The following ERBB4 variants were observed in gnomAD, a reference collection of about 807,000 sequenced individuals.
The protein encoded by ERBB4 is receptor tyrosine-protein kinase erbB-4.
ERBB4 carries 42 observed loss-of-function variants against 158.0 expected under a neutral mutation model. The observed-to-expected ratio is 0.27, with a 90% CI of 0.21 to 0.34. The LOEUF is 0.34. Ranked by LOEUF, ERBB4 falls within the 10% of genes least tolerant of loss-of-function variation. The pLI is 1.00. For synonymous variants in ERBB4, 583 were observed against 558.7 expected, an observed-to-expected ratio of 1.04 and a Z score of -0.61; for missense variants, 1,333 against 1,624.1, an observed-to-expected ratio of 0.82 and a Z score of 3.08.
chr2:212,135,202 G>A (rs2080234784), intron 1 of ERBB4, among the ~76,000 whole-genome samples: 2 of 151,968 alleles, frequency 1.3e-5, no homozygotes, highest in South Asian at 4.1e-4. Context: ...AATAGTCTTT[G>A]AGAGCTCTCA....
At chr2:211,424,114 C>A in intron 23 of ERBB4, 41 bp downstream of exon 23, 1 of 1,584,802 alleles carries the variant, frequency 6.3e-7, no homozygotes, top group Non-Finnish European at 8.7e-7. Flanking sequence ...TATTACTTTA[C>A]TAAGAATGAT....
intron 18 of ERBB4, among the ~76,000 whole-genome samples, chr2:211,621,637 G>A (rs2069606922): frequency 6.6e-6 from 1 of 151,960 alleles, no homozygotes. Context: ...GGGTATCCAA[G>A]GTTTAAAATA....
Position 211,740,183 on chromosome 2 carries a change from C to G in ERBB4, c.622+10456G>C, listed in dbSNP as rs80152682. On this transcript the variant is annotated intron_variant, in intron 5 of 27. Transcript: ENST00000342788. Reference sequence around the variant, plus strand: ...TGTAGGTATTTCCGTGGTCATAATGCTCTATCAGCTCCGTTATAACAAAAT... The same window carrying G: ...TGTAGGTATTTCCGTGGTCATAATGGTCTATCAGCTCCGTTATAACAAAAT... 9.0e-3 allele frequency among the ~76,000 whole-genome samples: 1,370 copies of G among 152,198 alleles called. 19 individuals are homozygous for G. Among genetic ancestry groups the G allele is most frequent in the African/African-American group, 0.031 (1,301 of 41,534 alleles).
At chr2:211,885,558 C>G (rs540252001) in intron 3 of ERBB4, among the ~76,000 whole-genome samples, 1 of 152,052 alleles carries the variant, frequency 6.6e-6, no homozygotes, top group South Asian at 2.1e-4. Context: ...TGGGTTCAAG[C>G]AATTCTCCTA....
chr2:211,938,133 T>C (rs2080379552), intron 3 of ERBB4, among the ~76,000 whole-genome samples: 2 of 152,184 alleles, frequency 1.3e-5, no homozygotes, highest in South Asian at 4.1e-4. Context: ...AAATACACTG[T>C]GTCTATTTTT....
intron 20 of ERBB4, among the ~76,000 whole-genome samples, chr2:211,477,509 A>G (rs1413393093): frequency 6.6e-6 from 1 of 152,186 alleles, no homozygotes; most frequent in African/African-American, 2.4e-5. Context: ...ATAAAACTAC[A>G]AAGGAAAGAG....
At chr2:212,384,250 T>C (rs183259658) in intron 1 of ERBB4, among the ~76,000 whole-genome samples, 1 of 151,804 alleles carries the variant, frequency 6.6e-6, no homozygotes, top group Non-Finnish European at 1.5e-5. Context: ...GTTACAGTAT[T>C]ATTGTAACAC....
intron 1 of ERBB4, among the ~76,000 whole-genome samples, chr2:212,442,064 G>A (rs1019895866): frequency 3.4e-4 from 51 of 152,152 alleles, no homozygotes; most frequent in African/African-American, 1.2e-3. Flanking sequence ...TCAAAGGCAA[G>A]GTGGGCATGG....
chr2:211,967,480 T>A (rs73986005), intron 2 of ERBB4, among the ~76,000 whole-genome samples: 3,943 of 152,152 alleles, frequency 0.026, 169 homozygotes, highest in African/African-American at 0.091. Flanking sequence ...CTTTTAATTA[T>A]CATTGGTAAG....
intron 3 of ERBB4, among the ~76,000 whole-genome samples, chr2:211,941,722 T>TTTTC (rs2080503773): frequency 6.6e-6 from 1 of 150,686 alleles, no homozygotes; most frequent in Non-Finnish European, 1.5e-5. Context: ...AACACTTTTT[T>TTTTC]TTTTTTTTTT....
intron 3 of ERBB4, among the ~76,000 whole-genome samples, chr2:211,836,332 G>A (rs1224863077): frequency 6.6e-6 from 1 of 152,000 alleles, no homozygotes; most frequent in African/African-American, 2.4e-5. Context: ...AAAGTCACAG[G>A]CAGAGTCTGC....
intron 3 of ERBB4, among the ~76,000 whole-genome samples, chr2:211,837,369 C>T (rs1332045324): frequency 6.6e-6 from 1 of 152,024 alleles, no homozygotes; most frequent in Non-Finnish European, 1.5e-5. Context: ...AAAAACTCCT[C>T]TCAAGTACAT....
chr2:211,893,791 C>T (rs1040284210), intron 3 of ERBB4, among the ~76,000 whole-genome samples: 1 of 116,820 alleles, frequency 8.6e-6, no homozygotes, highest in African/African-American at 3.8e-5. Flanking sequence ...ATTTATGCAG[C>T]CAAGAAACAC....
At chr2:211,481,891 A>T (rs548517153) in intron 20 of ERBB4, among the ~76,000 whole-genome samples, 1 of 152,322 alleles carries the variant, frequency 6.6e-6, no homozygotes, top group African/African-American at 2.4e-5. Flanking sequence ...AACTGGAAAG[A>T]ATATATCAAA....
intron 1 of ERBB4, among the ~76,000 whole-genome samples, chr2:212,487,037 ATGTTT>A (rs1430823460): frequency 6.6e-6 from 1 of 152,144 alleles, no homozygotes; most frequent in Non-Finnish European, 1.5e-5. Context: ...ACTGTTACTC[ATGTTT>A]GTGAAAAATA....
intron 1 of ERBB4, among the ~76,000 whole-genome samples, chr2:212,535,030 A>G (rs1038662039): frequency 1.3e-5 from 2 of 152,178 alleles, no homozygotes; most frequent in Non-Finnish European, 2.9e-5. Flanking sequence ...GATTTTCAAC[A>G]AAATTTCACT....
At chr2:211,510,431 T>C (rs963947906) in intron 20 of ERBB4, among the ~76,000 whole-genome samples, 11 of 152,100 alleles carry the variant, frequency 7.2e-5, no homozygotes, top group Admixed American at 1.3e-4. Context: ...GATATATCCA[T>C]GTCACAAACC....
chr2:211,764,430 T>C (rs2075498426), intron 4 of ERBB4, among the ~76,000 whole-genome samples: 1 of 152,232 alleles, frequency 6.6e-6, no homozygotes, highest in Admixed American at 6.5e-5. Context: ...ACAAATCCTT[T>C]AATCACAATG....
chr2:211,817,993 T>C (rs745648585), intron 3 of ERBB4, among the ~76,000 whole-genome samples: 1 of 152,184 alleles, frequency 6.6e-6, no homozygotes, highest in Non-Finnish European at 1.5e-5. Flanking sequence ...TTAAAGTTAC[T>C]CTAAAGTAGT....
Sources: gnomAD v4.1 joint callset for allele counts (sites outside exome capture counted in the v4.1 genomes callset) on GRCh38, gnomAD v4.1.1 for gene constraint, MANE v1.5 for transcripts, NCBI Gene and HGNC (gene_info 2026-07-23, HGNC 2026-07-21) for gene names.